Variants in TMEM47 observed in about 807,000 individuals in gnomAD.
TMEM47 encodes the protein transmembrane protein 47.
TMEM47 carries 3 observed loss-of-function variants against 12.4 expected under a neutral mutation model. The observed-to-expected ratio is 0.24, with a 90% CI of 0.11 to 0.63. The LOEUF (loss-of-function observed/expected upper bound fraction) is 0.63. Ranked by LOEUF, TMEM47 falls within the 20% of genes least tolerant of loss-of-function variation. The pLI, the probability that TMEM47 is intolerant of heterozygous loss-of-function variation, is 0.86. For missense variants in TMEM47, 89 were observed against 143.8 expected (o/e 0.62, Z 1.95); for synonymous variants, 62 against 63.3 (o/e 0.98, Z 0.10).
At chrX:34,636,846 C>T (rs1475903160) in intron 2 of TMEM47, among the ~76,000 whole-genome samples, 1 of 111,269 alleles carries the variant, frequency 9.0e-6, no homozygotes, top group Admixed American at 9.6e-5. Flanking sequence ...CAGTTGGCAA[C>T]TGAATTCAAA....
At chrX:34,647,958 A>C (rs924004223) in intron 1 of TMEM47, among the ~76,000 whole-genome samples, 5 of 111,755 alleles carry the variant, frequency 4.5e-5, no homozygotes, top group East Asian at 2.8e-4. Context: ...TTGCCACACA[A>C]AAAAAATAAA....
At chrX:34,640,828 C>T (rs768308350) in intron 1 of TMEM47, among the ~76,000 whole-genome samples, 30 of 111,548 alleles carry the variant, frequency 2.7e-4, no homozygotes, top group Middle Eastern at 4.7e-3. Context: ...TCCCCTCCTA[C>T]GAAATTGTGG....
Position 34,656,837 on chromosome X carries a change from C to T in TMEM47, c.193G>A (p.Asp65Asn), listed in dbSNP as rs377202632. The change falls in exon 1 of 3, where the codon GAC (aspartate) becomes AAC (asparagine). Residue 65 changes from aspartate (D) to asparagine (N), a missense_variant. By Grantham distance (23) the Asp-to-Asn change is conservative. Transcript: ENST00000275954. ...WESCRKPASL[D>N]IWHCESTLSS... ...AGCGTGGACTCGCAGTGCCAGATGTCCAAGCTGGCGGGTTTCCGGCAGGAC... is the reference window on the plus strand; with the variant it reads ...AGCGTGGACTCGCAGTGCCAGATGTTCAAGCTGGCGGGTTTCCGGCAGGAC... 6.2e-5 allele frequency: 73 copies of T among 1,168,266 alleles called. No individual in the cohort carries two copies. The highest frequency in any genetic ancestry group is 3.1e-4 in the Middle Eastern group (1 of 3,224).
chrX:34,646,580 T>C (rs954403775), intron 1 of TMEM47, among the ~76,000 whole-genome samples: 2 of 112,067 alleles, frequency 1.8e-5, no homozygotes, highest in African/African-American at 6.5e-5. Flanking sequence ...ATTTTGAACA[T>C]TGTTCTTTTT....
At chrX:34,651,996 A>T in intron 1 of TMEM47, among the ~76,000 whole-genome samples, 1 of 112,429 alleles carries the variant, frequency 8.9e-6, no homozygotes, top group Admixed American at 9.4e-5. Flanking sequence ...AGGAAGAAAC[A>T]TAACACTAAC....
intron 1 of TMEM47, among the ~76,000 whole-genome samples, chrX:34,640,880 G>GAAAC (rs1328645459): frequency 2.0e-4 from 22 of 111,490 alleles, no homozygotes; most frequent in African/African-American, 6.5e-4. Flanking sequence ...CTGCAATCAA[G>GAAAC]AAACAAACAA....
intron 1 of TMEM47, among the ~76,000 whole-genome samples, chrX:34,653,591 A>T (rs770710995): frequency 8.9e-6 from 1 of 111,947 alleles, no homozygotes; most frequent in Non-Finnish European, 1.9e-5. Context: ...TTAGGGCATC[A>T]GCATTCTGTA....
At position 34,628,552 on chromosome X, in the gene TMEM47, T is replaced by C. The variant is rs1187954305; in HGVS notation, c.*1761A>G. 1.8e-5 allele frequency: 2 copies of C among 110,998 alleles called. No homozygotes were observed. Among genetic ancestry groups the C allele is most frequent in the African/African-American group, 6.6e-5 (2 of 30,474 alleles). The allele number at this position is 110,998 out of a possible 1,213,427, so 9.1% of individuals were successfully genotyped here. On this transcript the variant is annotated 3_prime_UTR_variant, in exon 3 of 3. Transcript: ENST00000275954. ...TAGCATTTGGATAATAAAATAGGTT[T>C]TTTTTTTTTGGCTGTTGTTTTTGGC...
At chrX:34,653,020 A>G (rs1922043722) in intron 1 of TMEM47, among the ~76,000 whole-genome samples, 1 of 112,358 alleles carries the variant, frequency 8.9e-6, no homozygotes, top group South Asian at 3.7e-4. Flanking sequence ...ATATGAACAG[A>G]TGAAACATGT....
chrX:34,657,232 G>A lies in TMEM47; in HGVS notation c.-203C>T, dbSNP rs1292926963. The A allele has an allele frequency of 2.7e-5, 14 of 528,035 alleles. No homozygotes were observed. Among genetic ancestry groups the A allele is most frequent in the East Asian group, 1.6e-4 (3 of 18,750 alleles). The allele number at this position is 528,035 out of a possible 1,213,427, so 43.5% of individuals were successfully genotyped here. ...GGCCGGGTGTGGGTCGTCGGCAGCC[G>A]CAGCGACGTCGATTCCACCCCGGAC... On this transcript the variant is annotated 5_prime_UTR_variant, in exon 1 of 3. Transcript: ENST00000275954.
At chrX:34,634,485 G>A (rs1010202639) in intron 2 of TMEM47, among the ~76,000 whole-genome samples, 1 of 58,757 alleles carries the variant, frequency 1.7e-5, no homozygotes, top group African/African-American at 7.4e-5. Flanking sequence ...GGGTGCCTAC[G>A]TGCTAGATGA....
intron 2 of TMEM47, among the ~76,000 whole-genome samples, chrX:34,634,003 G>A (rs936505621): frequency 1.8e-5 from 2 of 111,041 alleles, no homozygotes; most frequent in Non-Finnish European, 3.8e-5. Flanking sequence ...TTTTCTCCAT[G>A]TAATAAAATT....
At chrX:34,633,602 G>A (rs1921663004) in intron 2 of TMEM47, among the ~76,000 whole-genome samples, 1 of 111,775 alleles carries the variant, frequency 8.9e-6, no homozygotes, top group African/African-American at 3.3e-5. Context: ...GCTGGTAGAA[G>A]AGTTTGAGCA....
chrX:34,653,293 T>C (rs1922048206), intron 1 of TMEM47, among the ~76,000 whole-genome samples: 1 of 112,147 alleles, frequency 8.9e-6, no homozygotes, highest in Non-Finnish European at 1.9e-5. Context: ...AATGCAGCTA[T>C]TTTTAGGATA....
chrX:34,631,196 A>C (rs897937506), intron 2 of TMEM47, among the ~76,000 whole-genome samples: 1 of 105,197 alleles, frequency 9.5e-6, no homozygotes, highest in African/African-American at 3.4e-5. Context: ...AAAAAAAAAA[A>C]AAAAAAGAAT....
chrX:34,640,781 T>G (rs780554869), intron 1 of TMEM47, among the ~76,000 whole-genome samples: 26 of 111,406 alleles, frequency 2.3e-4, no homozygotes, highest in Non-Finnish European at 4.7e-4. Flanking sequence ...TTATTTATAT[T>G]TGTACATCCC....
rs2147144094 is a variant in TMEM47, at chrX:34,657,053, C to T, written c.-24G>A. 8.9e-7 allele frequency: 1 copy of T among 1,127,027 alleles called. No individual in the cohort carries two copies. The highest frequency in any genetic ancestry group is 3.2e-4 in the Middle Eastern group (1 of 3,128). The allele number at this position is 1,127,027 out of a possible 1,213,427, so 92.9% of individuals were successfully genotyped here. On this transcript the variant is annotated 5_prime_UTR_variant, in exon 1 of 3. Coordinates refer to ENST00000275954, the MANE Select transcript of TMEM47 (RefSeq NM_031442.4). ...ATTCCTGGGCGCCGCTGTCGTCCGCCCCGCCGCAGGCGAGGACGCCAGGCG... is the reference window on the plus strand; with the variant it reads ...ATTCCTGGGCGCCGCTGTCGTCCGCTCCGCCGCAGGCGAGGACGCCAGGCG...
intron 1 of TMEM47, among the ~76,000 whole-genome samples, chrX:34,646,540 G>C (rs1021120044): frequency 6.3e-5 from 7 of 111,826 alleles, no homozygotes; most frequent in Admixed American, 1.9e-4. Context: ...TCTAATCATG[G>C]TATTTCTACA....
chrX:34,630,001 C>G lies in TMEM47; in HGVS notation c.*312G>C. On this transcript the variant is annotated 3_prime_UTR_variant, in exon 3 of 3. Transcript: ENST00000275954. Reference sequence around the variant, plus strand: ...CAGGCAATAGGAGATTGAGGCAAATCTCATTCCAACTAGTTTCTCACAATG... The same window carrying G: ...CAGGCAATAGGAGATTGAGGCAAATGTCATTCCAACTAGTTTCTCACAATG... The G allele has an allele frequency of 5.8e-6, 1 of 172,186 alleles. No individual in the cohort carries two copies. The highest frequency in any genetic ancestry group is 1.1e-5 in the Non-Finnish European group (1 of 91,226). 14.2% of individuals were successfully genotyped at this position (172,186 alleles called of 1,213,427 possible).
Sources: allele counts gnomAD v4.1 joint callset (sites outside exome capture counted in the v4.1 genomes callset), GRCh38; gene constraint gnomAD v4.1.1; transcripts MANE v1.5; gene names NCBI Gene and HGNC (gene_info 2026-07-23, HGNC 2026-07-21).